The following EFR3A variants were observed in gnomAD, a reference collection of about 807,000 sequenced individuals.
EFR3A encodes the protein protein EFR3 homolog A.
A neutral mutation model predicts 104.4 loss-of-function variants in EFR3A; 76 were observed. The observed-to-expected ratio is 0.73, with a 90% CI of 0.60 to 0.88. The LOEUF is 0.88. Ranked by LOEUF, EFR3A falls within the 40% of genes least tolerant of loss-of-function variation. EFR3A has a pLI of 0.00. For synonymous variants in EFR3A, 330 were observed against 330.0 expected (o/e 1.00, Z 0.00); for missense variants, 985 against 1,012.5 (o/e 0.97, Z 0.37).
intron 2 of EFR3A, among the ~76,000 whole-genome samples, chr8:131,943,774 G>A (rs575720059): frequency 6.6e-6 from 1 of 152,044 alleles, no homozygotes; most frequent in Non-Finnish European, 1.5e-5. Flanking sequence ...AGTTACACCT[G>A]GTTAAGATCT....
intron 22 of EFR3A, among the ~76,000 whole-genome samples, chr8:132,006,104 A>G (rs924150478): frequency 4.6e-5 from 7 of 152,160 alleles, no homozygotes; most frequent in African/African-American, 9.6e-5. Flanking sequence ...CTCAGGAGCA[A>G]TTTTATATCT....
At position 131,967,035 on chromosome 8, in the gene EFR3A, G is replaced by A. The variant is rs182267626; in HGVS notation, c.856-1260G>A. Among the ~76,000 whole-genome samples the A allele has an allele frequency of 3.5e-3, 527 of 152,096 alleles. 9 individuals are homozygous for A. The highest frequency in any genetic ancestry group is 0.032 in the Admixed American group (493 of 15,264). ...TCACTCTCTGCAGTGTCCCCATTTG[G>A]ACAGTAAATCAAATGGCTACCTTAC... On this transcript the variant is annotated intron_variant, in intron 8 of 22. Transcript: ENST00000254624.
At chr8:131,964,504 C>A (rs1406896989) in intron 8 of EFR3A, among the ~76,000 whole-genome samples, 1 of 151,990 alleles carries the variant, frequency 6.6e-6, no homozygotes, top group African/African-American at 2.4e-5. Flanking sequence ...ACCTAGGAAT[C>A]CAACTTACAG....
In EFR3A at chr8:131,986,101, G is replaced by A. The variant is rs1036913284; in HGVS notation, c.1870-93G>A. 5.6e-6 allele frequency: 3 copies of A among 537,186 alleles called. No individual in the cohort carries two copies. The African/African-American group carries it at 5.9e-5, about 11-fold the overall frequency. 33.3% of individuals were successfully genotyped at this position (537,186 alleles called of 1,614,324 possible). A position where few individuals can be genotyped will look rare whatever the true frequency, so the allele number is the denominator to read the frequency against. On this transcript the variant is annotated intron_variant, in intron 16 of 22. Coordinates refer to ENST00000254624, the MANE Select transcript of EFR3A (RefSeq NM_015137.6). ...ATGTTATTTCTTATAAATGTTTAAA[G>A]TTGTTTTTTTTTAAGCTGTTTTCTG...
chr8:131,936,699 T>C (rs1817910036), intron 1 of EFR3A, among the ~76,000 whole-genome samples: 1 of 152,190 alleles, frequency 6.6e-6, no homozygotes, highest in Middle Eastern at 3.4e-3. Context: ...TTTACTTACA[T>C]TTACCAGTTT....
At chr8:132,003,035 G>A (rs1028666556) in intron 21 of EFR3A, among the ~76,000 whole-genome samples, 34 of 151,878 alleles carry the variant, frequency 2.2e-4, no homozygotes, top group African/African-American at 6.5e-4. Flanking sequence ...ACATTGAGAC[G>A]AGGAAAGGGA....
chr8:131,977,336 T>C (rs1820375099), intron 12 of EFR3A, among the ~76,000 whole-genome samples: 1 of 152,170 alleles, frequency 6.6e-6, no homozygotes, highest in South Asian at 2.1e-4. Context: ...TGCTGTCTTA[T>C]AGACGAAGAT....
At chr8:131,947,132 C>T (rs1323862405) in intron 4 of EFR3A, among the ~76,000 whole-genome samples, 1 of 151,936 alleles carries the variant, frequency 6.6e-6, no homozygotes, top group Non-Finnish European at 1.5e-5. Flanking sequence ...ATTTTACATT[C>T]CCACCACCAA....
At chr8:131,942,393 C>G (rs1330864660) in intron 2 of EFR3A, among the ~76,000 whole-genome samples, 2 of 152,042 alleles carry the variant, frequency 1.3e-5, no homozygotes, top group Non-Finnish European at 2.9e-5. Flanking sequence ...AATGCAGAAG[C>G]AGATGTCATA....
chr8:131,972,442 CTTTCTTTTTTAAAT>C, intron 10 of EFR3A, among the ~76,000 whole-genome samples: 1 of 149,580 alleles, frequency 6.7e-6, no homozygotes. Flanking sequence ...ATATGCTTTT[CTTTCTTTTTTAAAT>C]TTTCTTTTTT....
intron 1 of EFR3A, among the ~76,000 whole-genome samples, chr8:131,912,174 TG>T (rs1315172013): frequency 1.3e-5 from 2 of 152,116 alleles, no homozygotes; most frequent in Non-Finnish European, 2.9e-5. Flanking sequence ...AGGTTAACTG[TG>T]CCATTCAGCT....
At chr8:131,963,080 G>A (rs1819483466) in intron 8 of EFR3A, among the ~76,000 whole-genome samples, 1 of 152,138 alleles carries the variant, frequency 6.6e-6, no homozygotes, top group Non-Finnish European at 1.5e-5. Flanking sequence ...GTGTGTAGAG[G>A]GAAATTTATA....
intron 10 of EFR3A, among the ~76,000 whole-genome samples, chr8:131,975,146 G>A (rs1431675922): frequency 6.6e-6 from 1 of 152,112 alleles, no homozygotes; most frequent in Non-Finnish European, 1.5e-5. Context: ...TAAGAAAAAT[G>A]ACAAGTAAGT....
intron 18 of EFR3A, among the ~76,000 whole-genome samples, chr8:131,995,357 C>A (rs1821420761): frequency 6.6e-6 from 1 of 152,146 alleles, no homozygotes; most frequent in Non-Finnish European, 1.5e-5. Flanking sequence ...GTACTTTCAT[C>A]ACACTTTAAT....
At chr8:131,992,713 A>G (rs577449308) in intron 18 of EFR3A, among the ~76,000 whole-genome samples, 34 of 152,318 alleles carry the variant, frequency 2.2e-4, no homozygotes, top group Admixed American at 1.7e-3. Flanking sequence ...AGGGCAGGTA[A>G]TGACATGATT....
intron 1 of EFR3A, 141 bp downstream of exon 1, chr8:131,904,463 G>GT: frequency 1.2e-6 from 1 of 865,994 alleles, no homozygotes. Flanking sequence ...GGCGGAGTTA[G>GT]TTTCGTTTCG....
At chr8:132,004,938 T>C (rs1345793205) in intron 22 of EFR3A, among the ~76,000 whole-genome samples, 1 of 152,220 alleles carries the variant, frequency 6.6e-6, no homozygotes. Flanking sequence ...ATGAATTTAA[T>C]ATTTTAGAAT....
At position 131,978,904 on chromosome 8, in the gene EFR3A, G is replaced by C; in HGVS notation, c.1384G>C (p.Asp462His). The change falls in exon 13 of 23, where the codon GAT becomes CAT. Residue 462 changes from aspartate to histidine, a missense_variant. Transcript: ENST00000254624. ...IVTALPGSFL[D>H]PLLSPSLMED... ...TACTGCACTGCCAGGGTCTTTCCTG[G>C]ATCCTTTGTTATCACCATCTCTCAT... is the stretch of plus-strand genomic sequence containing the variant. 1 of 1,612,732 alleles carries C rather than the reference G, an allele frequency of 6.2e-7. No homozygotes were observed. Among genetic ancestry groups the C allele is most frequent in the Non-Finnish European group, 8.5e-7 (1 of 1,179,150 alleles).
intron 1 of EFR3A, among the ~76,000 whole-genome samples, chr8:131,905,685 C>G (rs1350596554): frequency 6.6e-6 from 1 of 152,154 alleles, no homozygotes; most frequent in Non-Finnish European, 1.5e-5. Flanking sequence ...CAATCATCTT[C>G]ATTGTTATTG....
Sources: gnomAD v4.1 joint callset for allele counts (sites outside exome capture counted in the v4.1 genomes callset) on GRCh38, gnomAD v4.1.1 for gene constraint, MANE v1.5 for transcripts, NCBI Gene and HGNC (gene_info 2026-07-23, HGNC 2026-07-21) for gene names.